Variants in MAML2 observed in about 807,000 individuals in gnomAD.
MAML2 encodes mastermind-like protein 2.
MAML2 carries 22 observed loss-of-function variants against 96.1 expected under a neutral mutation model. That is an observed-to-expected ratio of 0.23 (90% CI 0.16 to 0.33). The LOEUF (loss-of-function observed/expected upper bound fraction) is 0.33, where lower values mean the gene tolerates loss of function less well. Among genes scored for constraint, MAML2 ranks in the 10% least tolerant of loss-of-function variants. The probability of loss-of-function intolerance (pLI) is 1.00; values close to 1 mark genes in which losing one functional copy is unlikely to be tolerated. For missense variants in MAML2, 1,367 were observed against 1,392.4 expected (o/e 0.98, Z 0.29); for synonymous variants, 561 against 521.3 (o/e 1.08, Z -1.04).
intron 2 of MAML2, among the ~76,000 whole-genome samples, chr11:96,068,438 T>TCACACACACA (rs10522513): frequency 0.2 from 24,081 of 120,118 alleles, 2,705 homozygotes; most frequent in East Asian, 0.21. Context: ...GGAGCTTACT[T>TCACACACACA]CACACACACA....
chr11:96,292,539 A>G (rs1863228196), intron 1 of MAML2, among the ~76,000 whole-genome samples: 4 of 152,234 alleles, frequency 2.6e-5, no homozygotes, highest in African/African-American at 9.6e-5. Flanking sequence ...AAAGTCAAGC[A>G]GTTATGTAAA....
chr11:96,223,260 T>C (rs7124221), intron 1 of MAML2, among the ~76,000 whole-genome samples: 24,266 of 152,086 alleles, frequency 0.16, 2,047 homozygotes, highest in Non-Finnish European at 0.19. Context: ...TTATTACTCA[T>C]GGAAACATCA....
At chr11:96,088,357 A>G (rs969044685) in intron 2 of MAML2, among the ~76,000 whole-genome samples, 1 of 152,148 alleles carries the variant, frequency 6.6e-6, no homozygotes, top group African/African-American at 2.4e-5. Context: ...AAAAATTCAC[A>G]CTTTTAAGTG....
intron 1 of MAML2, among the ~76,000 whole-genome samples, chr11:96,171,321 C>A (rs566792267): frequency 2.0e-5 from 3 of 152,120 alleles, no homozygotes; most frequent in African/African-American, 7.2e-5. Flanking sequence ...CAAGACCGGG[C>A]GCGTTCTTCT....
At chr11:96,194,177 C>T (rs118081255) in intron 1 of MAML2, among the ~76,000 whole-genome samples, 3 of 152,324 alleles carry the variant, frequency 2.0e-5, no homozygotes, top group Non-Finnish European at 4.4e-5. Context: ...CAGTTCAATA[C>T]ATTCATGCAA....
intron 2 of MAML2, among the ~76,000 whole-genome samples, chr11:96,000,213 A>G (rs1057156840): frequency 2.6e-5 from 4 of 152,244 alleles, no homozygotes; most frequent in African/African-American, 9.6e-5. Context: ...AACAGCTTGT[A>G]AACAGAAAAG....
In MAML2 at chr11:95,977,713, A is replaced by G. The variant is rs1015534337; in HGVS notation, c.*1235T>C. ...CAGCCCTGAGGGACAAAACCTGGATATGAAGAGTCCATCTAGCATGTGGCA... is the reference window on the plus strand; with the variant it reads ...CAGCCCTGAGGGACAAAACCTGGATGTGAAGAGTCCATCTAGCATGTGGCA... On this transcript the variant is annotated 3_prime_UTR_variant, in exon 5 of 5. Transcript: ENST00000524717. 1.3e-5 allele frequency: 3 copies of G among 222,642 alleles called. No homozygotes were observed. The highest frequency in any genetic ancestry group is 6.7e-5 in the African/African-American group (3 of 44,816). The allele number at this position is 222,642 out of a possible 1,614,324, so 13.8% of individuals were successfully genotyped here.
At chr11:96,253,300 T>C (rs1029577128) in intron 1 of MAML2, among the ~76,000 whole-genome samples, 3 of 152,194 alleles carry the variant, frequency 2.0e-5, no homozygotes, top group East Asian at 1.9e-4. Flanking sequence ...AAAATAACTA[T>C]TGAAAGCCAT....
At position 96,193,973 on chromosome 11, in the gene MAML2, A is replaced by G. The variant is rs565210553; in HGVS notation, c.514-100456T>C. Among the ~76,000 whole-genome samples the G allele has an allele frequency of 2.0e-5, 3 of 152,266 alleles. No individual in the cohort carries two copies. In the East Asian group the frequency reaches 5.8e-4, roughly 29 times the overall value. On this transcript the variant is annotated intron_variant, in intron 1 of 4. Coordinates refer to ENST00000524717, the MANE Select transcript of MAML2 (RefSeq NM_032427.4). The stretch of plus-strand genomic sequence containing the variant: ...AGTGCCCAGAGTGGAGAGGATCCCA[A>G]TCTCCTACTATCAAGATCCAAGCAT...
chr11:96,023,678 A>G (rs1372952223), intron 2 of MAML2, among the ~76,000 whole-genome samples: 1 of 152,164 alleles, frequency 6.6e-6, no homozygotes, highest in South Asian at 2.1e-4. Flanking sequence ...TGGAAACATG[A>G]GGGTGGCCAT....
chr11:96,305,412 G>C (rs575759550), intron 1 of MAML2, among the ~76,000 whole-genome samples: 1 of 152,166 alleles, frequency 6.6e-6, no homozygotes, highest in East Asian at 1.9e-4. Context: ...CACTCTGGTG[G>C]AGGATGGTGA....
At chr11:95,981,698 AAG>A (rs2135700507) in intron 4 of MAML2, among the ~76,000 whole-genome samples, 1 of 152,272 alleles carries the variant, frequency 6.6e-6, no homozygotes, top group East Asian at 1.9e-4. Context: ...GTGTTTGATG[AAG>A]AGACATAACA....
At chr11:96,142,745 T>C (rs1241511905) in intron 1 of MAML2, among the ~76,000 whole-genome samples, 2 of 152,222 alleles carry the variant, frequency 1.3e-5, no homozygotes, top group Admixed American at 1.3e-4. Context: ...TTGATGAGGT[T>C]ATTGCTTCTC....
In MAML2 at chr11:96,314,812, G is replaced by A. The variant is rs542681798; in HGVS notation, c.513+26571C>T. Among the ~76,000 whole-genome samples, 5 of 152,324 alleles carry A rather than the reference G, an allele frequency of 3.3e-5. No individual in the cohort carries two copies. The South Asian group carries it at 1.0e-3, about 32-fold the overall frequency. On this transcript the variant is annotated intron_variant, in intron 1 of 4. Coordinates refer to ENST00000524717, the MANE Select transcript of MAML2 (RefSeq NM_032427.4). Reference sequence around the variant, plus strand: ...TTCAAATGGGTCCAGAGGGGAAGTAGTTATGGGAGTGGCAGGGGCAGGCAT... The same window carrying A: ...TTCAAATGGGTCCAGAGGGGAAGTAATTATGGGAGTGGCAGGGGCAGGCAT...
intron 3 of MAML2, among the ~76,000 whole-genome samples, chr11:95,987,731 TTGC>T (rs1857849402): frequency 6.6e-6 from 1 of 152,180 alleles, no homozygotes; most frequent in Non-Finnish European, 1.5e-5. Flanking sequence ...TAAATTCTTG[TTGC>T]TAAGAAAAAG....
Position 96,274,678 on chromosome 11 carries a change from T to C in MAML2, c.513+66705A>G, listed in dbSNP as rs150119550. ...AAAAGGCTAGCAATGTGGAATTGCATTGGAAAAATAAAACATAAGTTGAAA... is the reference window on the plus strand; with the variant it reads ...AAAAGGCTAGCAATGTGGAATTGCACTGGAAAAATAAAACATAAGTTGAAA... On this transcript the variant is annotated intron_variant, in intron 1 of 4. Coordinates refer to ENST00000524717, the MANE Select transcript of MAML2 (RefSeq NM_032427.4). Among the ~76,000 whole-genome samples the C allele has an allele frequency of 6.4e-4, 98 of 152,306 alleles. 1 individual carries two copies. Among genetic ancestry groups the C allele is most frequent in the Middle Eastern group, 3.4e-3 (1 of 294 alleles).
intron 1 of MAML2, among the ~76,000 whole-genome samples, chr11:96,191,786 A>AAC (rs1555022162): frequency 6.6e-6 from 1 of 151,112 alleles, no homozygotes; most frequent in Non-Finnish European, 1.5e-5. Context: ...AAAAAAAAAA[A>AAC]CCACAAAAGA....
Position 95,978,852 on chromosome 11 carries a change from A to T in MAML2, c.*96T>A. The T allele has an allele frequency of 9.2e-7, 1 of 1,084,782 alleles. No homozygotes were observed. The highest frequency in any genetic ancestry group is 1.3e-6 in the Non-Finnish European group (1 of 773,728). 67.2% of individuals were successfully genotyped at this position (1,084,782 alleles called of 1,614,324 possible). ...ATTTTTAAGCATGTTATCTTCATGT[A>T]GTCCACCTGAACATCAACAGTTCAG... On this transcript the variant is annotated 3_prime_UTR_variant, in exon 5 of 5. Transcript: ENST00000524717.
intron 2 of MAML2, among the ~76,000 whole-genome samples, chr11:96,070,417 C>A (rs961373656): frequency 1.3e-5 from 2 of 152,248 alleles, no homozygotes; most frequent in African/African-American, 4.8e-5. Context: ...GGAGCCCAGA[C>A]CTGGGAGCTT....
Sources: gnomAD v4.1 joint callset for allele counts (sites outside exome capture counted in the v4.1 genomes callset) on GRCh38, gnomAD v4.1.1 for gene constraint, MANE v1.5 for transcripts, NCBI Gene and HGNC (gene_info 2026-07-23, HGNC 2026-07-21) for gene names.